The following MICAL3 variants were observed in gnomAD, a reference collection of about 807,000 sequenced individuals.
MICAL3 encodes microtubule associated monooxygenase, calponin and LIM domain containing 3.
A neutral mutation model predicts 207.4 loss-of-function variants in MICAL3; 62 were observed. The observed-to-expected ratio is 0.30, with a 90% CI of 0.24 to 0.37. The LOEUF (loss-of-function observed/expected upper bound fraction) is 0.37, where lower values mean the gene tolerates loss of function less well. Among genes scored for constraint, MICAL3 ranks in the 10% least tolerant of loss-of-function variants. The pLI is 1.00. For synonymous variants in MICAL3, 1,077 were observed against 1,069.3 expected (o/e 1.01, Z -0.14); for missense variants, 2,368 against 2,635.6 (o/e 0.90, Z 2.22).
chr22:17,848,390 T>C (rs1322745678), intron 19 of MICAL3, among the ~76,000 whole-genome samples: 1 of 152,160 alleles, frequency 6.6e-6, no homozygotes, highest in African/African-American at 2.4e-5. Flanking sequence ...CCACGTGAAG[T>C]GTGGCTGTTC....
In MICAL3 at chr22:17,902,631, G is replaced by T; in HGVS notation, c.589C>A (p.Arg197=). ...TCTTCACTCCTCCAGTATAACTTAC[G>T]TTCATTCTCTTGGTCCTCAGGAGGC... The part of the protein sequence containing the change: ...IQPPEDQENE[R]IGWRALVHPK... The change falls in exon 4 of 32, where the codon CGG becomes AGG. Residue 197 remains arginine, a splice_region_variant and synonymous_variant. Transcript: ENST00000441493. This position sits in a 1 kb window ranked among gnomAD's most constrained non-coding sequence, Gnocchi z 4.5. 3 of 1,566,954 alleles carry T rather than the reference G, an allele frequency of 1.9e-6. No homozygotes were observed. Among genetic ancestry groups the T allele is most frequent in the Non-Finnish European group, 2.6e-6 (3 of 1,143,262 alleles).
At chr22:17,810,359 A>G (rs1037595456) in intron 28 of MICAL3, among the ~76,000 whole-genome samples, 35 of 151,772 alleles carry the variant, frequency 2.3e-4, no homozygotes, top group South Asian at 6.2e-4. Context: ...CACCGCACCC[A>G]GCCAATTTTT....
chr22:17,922,901 G>C lies in MICAL3; in HGVS notation c.-74-16015C>G, dbSNP rs117124889. ...TCTCTCCAAAGCAGAAATAAATCTA[G>C]ACAACTGACCCTAAACCAGCTCAGT... On this transcript the variant is annotated intron_variant, in intron 1 of 31. Coordinates refer to ENST00000441493, the MANE Select transcript of MICAL3 (RefSeq NM_015241.3). Among the ~76,000 whole-genome samples, 705 of 152,270 alleles carry C rather than the reference G, an allele frequency of 4.6e-3. 2 individuals carry two copies. Among genetic ancestry groups the C allele is most frequent in the Non-Finnish European group, 5.9e-3 (399 of 68,024 alleles).
At chr22:17,795,426 A>G (rs554254208) in intron 29 of MICAL3, among the ~76,000 whole-genome samples, 1 of 152,352 alleles carries the variant, frequency 6.6e-6, no homozygotes, top group South Asian at 2.1e-4. Flanking sequence ...GTGATACACA[A>G]CCAAACACAT....
In MICAL3 at chr22:17,789,560, C is replaced by G. The variant is rs1241207620; in HGVS notation, c.*1172G>C. On this transcript the variant is annotated 3_prime_UTR_variant, in exon 32 of 32. Transcript: ENST00000441493. Reference sequence around the variant, plus strand: ...CAGATGGTCTAGCGCCAGGGTGAGGCAGGCACCGGGTGGAGGAGGGGACAG... The same window carrying G: ...CAGATGGTCTAGCGCCAGGGTGAGGGAGGCACCGGGTGGAGGAGGGGACAG... 1 of 152,388 alleles carries G rather than the reference C, an allele frequency of 6.6e-6. No homozygotes were observed. The highest frequency in any genetic ancestry group is 1.5e-5 in the Non-Finnish European group (1 of 68,122). 9.4% of individuals were successfully genotyped at this position (152,388 alleles called of 1,614,324 possible). A position where few individuals can be genotyped will look rare whatever the true frequency, so the allele number is the denominator to read the frequency against.
rs370303805 is a variant in MICAL3, at chr22:17,871,882, C to T, written c.2383G>A (p.Ala795Thr). 83 of 1,611,074 alleles carry T rather than the reference C, an allele frequency of 5.2e-5. No homozygotes were observed. The highest frequency in any genetic ancestry group is 6.4e-5 in the Non-Finnish European group (76 of 1,178,814). The change falls in exon 17 of 32, where the codon GCC becomes ACC. Residue 795 changes from alanine to threonine, a missense_variant. Around this residue, in one of 4 missense-constraint regions of MICAL3, gnomAD observed 1,770 missense variants for 1,863.2 expected, o/e 0.95. Coordinates refer to ENST00000441493, the MANE Select transcript of MICAL3 (RefSeq NM_015241.3). The part of the protein sequence containing the change: ...HRSCFKCEYC[A>T]TTLRLSAYAY... ...TAGGCCGAGAGGCGCAGGGTGGTGG[C>T]GCAGTACTCGCACTTGAAGCAGCTC...
At chr22:17,792,618 G>T (rs2061835638) in intron 29 of MICAL3, among the ~76,000 whole-genome samples, 1 of 152,214 alleles carries the variant, frequency 6.6e-6, no homozygotes. Context: ...ATCTGCAGTG[G>T]TGTCTGCTAG....
intron 16 of MICAL3, chr22:17,879,395 C>T (rs1464209193): frequency 6.2e-7 from 1 of 1,612,144 alleles, no homozygotes; most frequent in Admixed American, 1.7e-5. Context: ...ATCAAGATCC[C>T]TGTATGTCTG....
chr22:17,799,307 G>A (rs2061912120), intron 29 of MICAL3, among the ~76,000 whole-genome samples: 1 of 152,186 alleles, frequency 6.6e-6, no homozygotes, highest in Admixed American at 6.5e-5. Flanking sequence ...GCTTGAACCC[G>A]GGAGGTGGGG....
At chr22:17,859,081 A>G (rs1926236844) in intron 19 of MICAL3, among the ~76,000 whole-genome samples, 4 of 152,186 alleles carry the variant, frequency 2.6e-5, no homozygotes, top group South Asian at 4.1e-4. Flanking sequence ...GAGGAAGGAC[A>G]TGAGCAGGCC....
At chr22:17,823,095 A>G in intron 22 of MICAL3, 35 bp from the exon 23 acceptor site, 1 of 1,402,534 alleles carries the variant, frequency 7.1e-7, no homozygotes, top group East Asian at 2.3e-5. Flanking sequence ...AAGGAAGAAA[A>G]GGAGGACAGA....
intron 19 of MICAL3, chr22:17,860,078 C>T: frequency 1.5e-6 from 1 of 675,548 alleles, no homozygotes; most frequent in Non-Finnish European, 1.8e-6. Context: ...CTCAAGCTCA[C>T]TCCCAAGACC....
intron 11 of MICAL3, 128 bp downstream of exon 11, chr22:17,893,680 G>C: frequency 2.9e-6 from 2 of 678,480 alleles, no homozygotes; most frequent in Non-Finnish European, 5.1e-6. Flanking sequence ...AATCACCCTG[G>C]GTTGAGAGCC....
chr22:18,012,239 A>T (rs189140273), intron 1 of MICAL3, among the ~76,000 whole-genome samples: 3 of 152,234 alleles, frequency 2.0e-5, no homozygotes, highest in Non-Finnish European at 4.4e-5. Flanking sequence ...TGACTCAAAA[A>T]AAATTAATAA....
At chr22:17,970,528 T>C (rs1051984852) in intron 1 of MICAL3, among the ~76,000 whole-genome samples, 3 of 152,238 alleles carry the variant, frequency 2.0e-5, no homozygotes, top group Admixed American at 1.3e-4. Context: ...CTGTGCTTTT[T>C]AGTTCTCACT....
chr22:18,017,857 T>C (rs902372164), intron 1 of MICAL3, among the ~76,000 whole-genome samples: 2 of 151,848 alleles, frequency 1.3e-5, no homozygotes, highest in African/African-American at 4.8e-5. Context: ...TTCACGCCAT[T>C]CTCCTGCCTC....
chr22:17,906,742 G>A lies in MICAL3; in HGVS notation c.71C>T (p.Thr24Ile), dbSNP rs1931747795. 6.2e-7 allele frequency: 1 copy of A among 1,613,802 alleles called. No individual in the cohort carries two copies. The highest frequency in any genetic ancestry group is 1.3e-5 in the African/African-American group (1 of 74,902). The change falls in exon 2 of 32, where the codon ACC (threonine) becomes ATC (isoleucine). Residue 24 changes from threonine to isoleucine, a missense_variant. Coordinates refer to ENST00000441493, the MANE Select transcript of MICAL3 (RefSeq NM_015241.3). The part of the protein sequence containing the change: ...VLFDRFVQAT[T>I]CKGTLKAFQE... ...GAAAGCCTTGAGGGTTCCCTTGCAGGTGGTGGCCTGGACAAACCGGTCAAA... is the reference window on the plus strand; with the variant it reads ...GAAAGCCTTGAGGGTTCCCTTGCAGATGGTGGCCTGGACAAACCGGTCAAA...
intron 21 of MICAL3, among the ~76,000 whole-genome samples, chr22:17,828,552 T>C (rs534885509): frequency 5.9e-5 from 9 of 152,202 alleles, no homozygotes; most frequent in Admixed American, 1.3e-4. Flanking sequence ...ACCCTTGGAA[T>C]TTCACAGGCG....
At chr22:17,889,798 C>T (rs1930243088) in intron 12 of MICAL3, among the ~76,000 whole-genome samples, 1 of 152,074 alleles carries the variant, frequency 6.6e-6, no homozygotes, top group Non-Finnish European at 1.5e-5. Context: ...TAGGGCGGGA[C>T]CTGTCTCTAA....
Sources: allele counts gnomAD v4.1 joint callset (sites outside exome capture counted in the v4.1 genomes callset), GRCh38; gene constraint gnomAD v4.1.1; regional missense constraint gnomAD v4.1.1; non-coding constraint Gnocchi (gnomAD v3.1); transcripts MANE v1.5; gene names NCBI Gene and HGNC (gene_info 2026-07-23, HGNC 2026-07-21).